The following RSU1 variants were observed in gnomAD, a reference collection of about 807,000 sequenced individuals.
RSU1 encodes Ras suppressor protein 1.
In RSU1, 26 loss-of-function variants were observed where a neutral mutation model predicts 31.1. That is an observed-to-expected ratio of 0.84 (90% CI 0.61 to 1.16). The LOEUF (loss-of-function observed/expected upper bound fraction) is 1.16. RSU1 is among the 50% of genes most tolerant of loss of function. RSU1 has a pLI of 0.00. For missense variants in RSU1, 320 were observed against 339.1 expected (o/e 0.94, Z 0.44); for synonymous variants, 164 against 136.3 (o/e 1.20, Z -1.41).
In RSU1 at chr10:16,738,169, G is replaced by A. The variant is rs576505768; in HGVS notation, c.598+14370C>T. ...TGCTTACACTAAAAAAGAAGAGGCC[G>A]GGCACGGTGGCTCACGCCTGTAATC... On this transcript the variant is annotated intron_variant, in intron 7 of 8. Coordinates refer to ENST00000345264, the MANE Select transcript of RSU1 (RefSeq NM_012425.4). 1.4e-4 allele frequency among the ~76,000 whole-genome samples: 22 copies of A among 152,256 alleles called. No homozygotes were observed. In the South Asian group the frequency reaches 3.9e-3, roughly 27 times the overall value.
At chr10:16,665,668 TAAAA>T (rs1834975481) in intron 8 of RSU1, among the ~76,000 whole-genome samples, 1 of 152,178 alleles carries the variant, frequency 6.6e-6, no homozygotes, top group Admixed American at 6.5e-5. Flanking sequence ...ATTTATTCCT[TAAAA>T]AAACTGCATT....
At chr10:16,593,581 A>G in intron 8 of RSU1, 85 bp from the exon 9 acceptor site, 1 of 1,025,290 alleles carries the variant, frequency 9.8e-7, no homozygotes, top group Non-Finnish European at 1.5e-6. Context: ...GGAATAGAAG[A>G]ATCTCCAAAA....
chr10:16,737,726 C>T (rs1836657493), intron 7 of RSU1, among the ~76,000 whole-genome samples: 1 of 150,380 alleles, frequency 6.6e-6, no homozygotes. Flanking sequence ...TTTTCCTCCT[C>T]TCTAAAGTTA....
chr10:16,790,677 T>C (rs1302269310), intron 2 of RSU1, among the ~76,000 whole-genome samples: 1 of 151,992 alleles, frequency 6.6e-6, no homozygotes, highest in Non-Finnish European at 1.5e-5. Flanking sequence ...TTGTAATCGT[T>C]TGTGTTGAGG....
rs1246768073 is a variant in RSU1 at position 16,758,471 on chromosome 10, C to T, written c.282-3482G>A. ...AGGTTTCCATGAGAGGCTACAGTGGCGGTAGGAAAAGTATGGAGCTTTAAG... is the reference window on the plus strand; with the variant it reads ...AGGTTTCCATGAGAGGCTACAGTGGTGGTAGGAAAAGTATGGAGCTTTAAG... On this transcript the variant is annotated intron_variant, in intron 4 of 8. Coordinates refer to ENST00000345264, the MANE Select transcript of RSU1 (RefSeq NM_012425.4). 3.9e-5 allele frequency among the ~76,000 whole-genome samples: 6 copies of T among 152,104 alleles called. No homozygotes were observed. The South Asian group carries it at 6.2e-4, about 16-fold the overall frequency.
Position 16,764,992 on chromosome 10 carries a change from GGA to G in RSU1, c.161-484_161-483del, listed in dbSNP as rs971202754. ...TTTGTTTCAGATGGCTAATGGGGGGGGAGAAACAGAGCAAAAATGCACAAAAG... is the reference window on the plus strand; with the variant it reads ...TTTGTTTCAGATGGCTAATGGGGGGGGAAACAGAGCAAAAATGCACAAAAG... On this transcript the variant is annotated intron_variant, in intron 3 of 8. Coordinates refer to ENST00000345264, the MANE Select transcript of RSU1 (RefSeq NM_012425.4). 1.4e-3 allele frequency among the ~76,000 whole-genome samples: 206 copies of G among 150,446 alleles called. 2 individuals carry two copies. The highest frequency in any genetic ancestry group is 4.8e-3 in the African/African-American group (191 of 39,988).
At chr10:16,810,086 C>T (rs1267435320) in intron 2 of RSU1, among the ~76,000 whole-genome samples, 2 of 151,460 alleles carry the variant, frequency 1.3e-5, no homozygotes, top group South Asian at 2.1e-4. Flanking sequence ...CAAAAATTAG[C>T]GGAGCATGGT....
At chr10:16,660,877 C>T (rs1834876086) in intron 8 of RSU1, among the ~76,000 whole-genome samples, 1 of 151,900 alleles carries the variant, frequency 6.6e-6, no homozygotes, top group Non-Finnish European at 1.5e-5. Flanking sequence ...GAACTCCTGG[C>T]CTCAAGTGAT....
At chr10:16,797,872 T>G (rs1588542601) in intron 2 of RSU1, among the ~76,000 whole-genome samples, 4 of 147,058 alleles carry the variant, frequency 2.7e-5, no homozygotes, top group Non-Finnish European at 1.5e-5. Context: ...TTTTTTTTTT[T>G]TTTTTTTGAG....
chr10:16,766,768 C>T (rs1837323128), intron 3 of RSU1, among the ~76,000 whole-genome samples: 1 of 151,876 alleles, frequency 6.6e-6, no homozygotes, highest in Non-Finnish European at 1.5e-5. Context: ...GATCCCAGCA[C>T]TTTGGGAGGC....
chr10:16,764,354 C>G (rs759502149), intron 4 of RSU1, 36 bp downstream of exon 4: 2 of 1,591,512 alleles, frequency 1.3e-6, no homozygotes, highest in South Asian at 2.3e-5. Flanking sequence ...CTTCCACTCT[C>G]TTCCTCTCCA....
chr10:16,708,822 T>A (rs1835959053), intron 7 of RSU1, among the ~76,000 whole-genome samples: 1 of 151,980 alleles, frequency 6.6e-6, no homozygotes, highest in Admixed American at 6.6e-5. Context: ...TATCTTTTTT[T>A]TTTTAAGCTA....
intron 8 of RSU1, among the ~76,000 whole-genome samples, chr10:16,654,378 A>G (rs1315537780): frequency 6.6e-6 from 1 of 151,228 alleles, no homozygotes; most frequent in Non-Finnish European, 1.5e-5. Context: ...AAAAAAAAAA[A>G]AAGGAAATTG....
chr10:16,695,162 G>GT lies in RSU1; in HGVS notation c.599-8_599-7insA, dbSNP rs754696645. ...CCAGTTAAATCCAAGTTTCCTGGGG[G>GT]GGGGGAAAAAAAAAGTGAAGGTCAC... On this transcript the variant is annotated splice_polypyrimidine_tract_variant and splice_region_variant and intron_variant, in intron 7 of 8. Coordinates refer to ENST00000345264, the MANE Select transcript of RSU1 (RefSeq NM_012425.4). 4 of 1,479,650 alleles carry GT rather than the reference G, an allele frequency of 2.7e-6. No homozygotes were observed. Among genetic ancestry groups the GT allele is most frequent in the East Asian group, 2.5e-5 (1 of 40,352 alleles). The allele number at this position is 1,479,650 out of a possible 1,614,324, so 91.7% of individuals were successfully genotyped here. A position where few individuals can be genotyped will look rare whatever the true frequency, so the allele number is the denominator to read the frequency against.
At chr10:16,794,225 T>A (rs1218934505) in intron 2 of RSU1, among the ~76,000 whole-genome samples, 2 of 152,216 alleles carry the variant, frequency 1.3e-5, no homozygotes, top group African/African-American at 4.8e-5. Context: ...TTAGCCTCCA[T>A]AATCACCTGG....
intron 7 of RSU1, among the ~76,000 whole-genome samples, chr10:16,727,438 C>T (rs1385569196): frequency 6.6e-6 from 1 of 152,134 alleles, no homozygotes; most frequent in Non-Finnish European, 1.5e-5. Context: ...TCATTTCCCT[C>T]AGAAACAGCA....
chr10:16,673,540 A>T (rs1835160488), intron 8 of RSU1, among the ~76,000 whole-genome samples: 1 of 152,236 alleles, frequency 6.6e-6, no homozygotes, highest in African/African-American at 2.4e-5. Flanking sequence ...GCTCAAATGG[A>T]GAAGCCCTGT....
At chr10:16,812,055 G>A (rs150501541) in intron 2 of RSU1, among the ~76,000 whole-genome samples, 165 of 152,304 alleles carry the variant, frequency 1.1e-3, no homozygotes, top group African/African-American at 3.1e-3. Context: ...TAGCTGGAGC[G>A]AGAAAAACGA....
At chr10:16,785,511 C>CATATATATATACACATATATACAT (rs1837771115) in intron 2 of RSU1, among the ~76,000 whole-genome samples, 8 of 133,734 alleles carry the variant, frequency 6.0e-5, no homozygotes, top group African/African-American at 2.5e-4. Flanking sequence ...CACATATATA[C>CATATATATATACACATATATACAT]ATATATATAT....
Sources: gnomAD v4.1 joint callset for allele counts (sites outside exome capture counted in the v4.1 genomes callset) on GRCh38, gnomAD v4.1.1 for gene constraint, MANE v1.5 for transcripts, NCBI Gene and HGNC (gene_info 2026-07-23, HGNC 2026-07-21) for gene names.